Variants in MIA2 observed in about 807,000 individuals in gnomAD.
MIA2 encodes the protein MIA SH3 domain ER export factor 2, also known as melanoma inhibitory activity protein 2.
In MIA2, 127 loss-of-function variants were observed where a neutral mutation model predicts 167.8. The ratio of observed to expected loss-of-function variants is 0.76; its 90% CI spans 0.66 to 0.88. The LOEUF (loss-of-function observed/expected upper bound fraction) is 0.88. MIA2 is among the 40% of genes least tolerant of loss of function. The pLI, the probability that MIA2 is intolerant of heterozygous loss-of-function variation, is 0.00. For missense variants in MIA2, 1,690 were observed against 1,624.7 expected (o/e 1.04, Z -0.69); for synonymous variants, 552 against 541.9 (o/e 1.02, Z -0.26).
chr14:39,351,311 C>G (rs1006399788), downstream of MIA2: 1 of 150,940 alleles, frequency 6.6e-6, no homozygotes, highest in African/African-American at 2.4e-5. Context: ...CAGCATTTCC[C>G]CAGGTGTTGT....
intron 18 of MIA2, among the ~76,000 whole-genome samples, chr14:39,312,596 G>A (rs2064519248): frequency 6.6e-6 from 1 of 152,194 alleles, no homozygotes; most frequent in Non-Finnish European, 1.5e-5. Flanking sequence ...GATAGTATGT[G>A]AAATGAAACA....
chr14:39,361,070 A>T (rs1378518706), intron 23 of MIA2, among the ~76,000 whole-genome samples: 2 of 152,076 alleles, frequency 1.3e-5, no homozygotes, highest in East Asian at 3.9e-4. Context: ...ATATATTTTG[A>T]AGTCAGATAA....
At position 39,350,117 on chromosome 14, in the gene MIA2, G is replaced by C; in HGVS notation, c.4092G>C (p.Pro1364=). 4 of 1,362,808 alleles carry C rather than the reference G, an allele frequency of 2.9e-6. No homozygotes were observed. The highest frequency in any genetic ancestry group is 4.0e-6 in the Non-Finnish European group (4 of 995,100). 84.4% of individuals were successfully genotyped at this position (1,362,808 alleles called of 1,614,324 possible). ...GAACAGTGAGAAATGTCTATCCACC[G>C]AGGGGTTTTCCTCCTTACCTTCCCC... ...APFAMRNVYP[P]RGFPPYLPPR... The change falls in exon 29 of 29, where the codon CCG becomes CCC. Residue 1364 remains proline, a synonymous_variant. Coordinates refer to ENST00000640607, the MANE Select transcript of MIA2 (RefSeq NM_001329214.4).
At chr14:39,255,366 G>A (rs1452851530) in intron 6 of MIA2, among the ~76,000 whole-genome samples, 1 of 152,064 alleles carries the variant, frequency 6.6e-6, no homozygotes, top group Non-Finnish European at 1.5e-5. Flanking sequence ...AAATTAGCTG[G>A]GCGTGGTGGC....
downstream of MIA2, among the ~76,000 whole-genome samples, chr14:39,353,667 C>G (rs918072900): frequency 6.6e-6 from 1 of 151,980 alleles, no homozygotes; most frequent in East Asian, 1.9e-4. Context: ...GTGTGCTGCA[C>G]CCATTAACTC....
intron 6 of MIA2, among the ~76,000 whole-genome samples, chr14:39,263,289 T>G (rs2055219306): frequency 6.6e-6 from 1 of 152,236 alleles, no homozygotes. Context: ...GGTTTTTGTC[T>G]TTGTTTCTGT....
chr14:39,289,036 AAG>A (rs1000619805), intron 9 of MIA2, among the ~76,000 whole-genome samples: 3 of 151,890 alleles, frequency 2.0e-5, no homozygotes, highest in African/African-American at 4.8e-5. Context: ...GGAAGAGTTT[AAG>A]AAGTCTTGGT....
chr14:39,377,455 G>C lies in MIA2; in HGVS notation c.2249-9430G>C, dbSNP rs2075066738. 2.0e-5 allele frequency among the ~76,000 whole-genome samples: 3 copies of C among 151,860 alleles called. No homozygotes were observed. The South Asian group carries it at 6.2e-4, about 32-fold the overall frequency. On this transcript the variant is annotated intron_variant, in intron 23 of 23. Transcript: ENST00000341502. ...AATCAGGAAAAATGGAAAAAAAGAAGGAAAAGAAATAAGGAAAAGAAATTG... is the reference window on the plus strand; with the variant it reads ...AATCAGGAAAAATGGAAAAAAAGAACGAAAAGAAATAAGGAAAAGAAATTG...
chr14:39,288,475 A>ATATATT (rs1294270700), intron 9 of MIA2, among the ~76,000 whole-genome samples: 16 of 50,506 alleles, frequency 3.2e-4, no homozygotes, highest in Non-Finnish European at 4.0e-4. Context: ...ATATATATAT[A>ATATATT]TTTTTTTTTT....
At chr14:39,234,331 T>C (rs1022345804) in intron 1 of MIA2, 102 bp downstream of exon 1, 33 of 629,984 alleles carry the variant, frequency 5.2e-5, no homozygotes, top group Non-Finnish European at 8.2e-5. Context: ...ATTGATACCA[T>C]TGAGAAATAT....
intron 6 of MIA2, chr14:39,269,184 TTTGTA>T (rs1426006633): frequency 1.2e-5 from 6 of 497,332 alleles, no homozygotes; most frequent in Non-Finnish European, 1.6e-5. Flanking sequence ...TAAAAATTAT[TTTGTA>T]TTGAGATATA....
intron 9 of MIA2, among the ~76,000 whole-genome samples, chr14:39,280,197 A>G (rs1016570151): frequency 4.0e-5 from 6 of 151,648 alleles, no homozygotes; most frequent in African/African-American, 1.5e-4. Flanking sequence ...TAAATCTTCT[A>G]TTTTGTTGGG....
intron 9 of MIA2, among the ~76,000 whole-genome samples, chr14:39,285,623 C>A (rs1411976911): frequency 7.7e-5 from 6 of 78,098 alleles, no homozygotes; most frequent in Non-Finnish European, 2.3e-4. Flanking sequence ...GGCTGCCCCC[C>A]ACCTCCCTCC....
intron 17 of MIA2, among the ~76,000 whole-genome samples, chr14:39,305,111 C>G (rs1485235502): frequency 6.6e-6 from 1 of 152,230 alleles, no homozygotes; most frequent in African/African-American, 2.4e-5. Flanking sequence ...TCAAAAACTT[C>G]TACAGTAAGT....
intron 23 of MIA2, among the ~76,000 whole-genome samples, chr14:39,371,260 G>C (rs532607887): frequency 6.6e-6 from 1 of 152,136 alleles, no homozygotes; most frequent in East Asian, 1.9e-4. Context: ...CTGGATTTAG[G>C]ATAAGTTTAG....
intron 22 of MIA2, among the ~76,000 whole-genome samples, chr14:39,318,528 A>G (rs183144472): frequency 1.1e-4 from 17 of 152,294 alleles, no homozygotes; most frequent in Admixed American, 9.8e-4. Context: ...CTAGAGTGTT[A>G]TAATTTCTTG....
rs1566746559 is a variant in MIA2 at position 39,288,447 on chromosome 14, A to ATTTTT, written c.2131-2571_2131-2570insTTTTT. On this transcript the variant is annotated intron_variant, in intron 9 of 28. Coordinates refer to ENST00000640607, the MANE Select transcript of MIA2 (RefSeq NM_001329214.4). ...ATATATTATACATATATATATATATATATATATATATATATATATATATAT... is the reference window on the plus strand; with the variant it reads ...ATATATTATACATATATATATATATATTTTTTATATATATATATATATATATATAT... Among the ~76,000 whole-genome samples the ATTTTT allele has an allele frequency of 4.4e-4, 2 of 4,574 alleles. 1 individual carries two copies. The allele number at this position is 4,574 out of a possible 152,430, so 3.0% of individuals were successfully genotyped here.
In MIA2 at chr14:39,314,908, T is replaced by C. The variant is rs543827342; in HGVS notation, c.3180+109T>C. On this transcript the variant is annotated intron_variant, in intron 20 of 28. Transcript: ENST00000640607. ...AGGAATATAATTACTTGACCAGTTGTATACCTCTTTTGAGGTGTTGCATGT... is the reference window on the plus strand; with the variant it reads ...AGGAATATAATTACTTGACCAGTTGCATACCTCTTTTGAGGTGTTGCATGT... The C allele has an allele frequency of 2.5e-4, 212 of 832,404 alleles. 1 individual carries two copies. The highest frequency in any genetic ancestry group is 1.7e-6 in the Non-Finnish European group (1 of 588,874). 51.6% of individuals were successfully genotyped at this position (832,404 alleles called of 1,614,324 possible).
chr14:39,277,780 A>T (rs1320292609), intron 7 of MIA2, among the ~76,000 whole-genome samples: 5 of 85,862 alleles, frequency 5.8e-5, no homozygotes, highest in Admixed American at 1.4e-4. Flanking sequence ...ATATATATAT[A>T]TTTATATTTA....
Sources: allele counts gnomAD v4.1 joint callset (sites outside exome capture counted in the v4.1 genomes callset), GRCh38; gene constraint gnomAD v4.1.1; transcripts MANE v1.5; gene names NCBI Gene and HGNC (gene_info 2026-07-23, HGNC 2026-07-21).